Variants in XKR4 observed in about 807,000 individuals in gnomAD.
XKR4 encodes XK-related protein 4.
A neutral mutation model predicts 53.9 loss-of-function variants in XKR4; 12 were observed. The observed-to-expected ratio is 0.22, with a 90% CI of 0.14 to 0.36. XKR4 has a LOEUF of 0.36. XKR4 is among the 10% of genes least tolerant of loss of function. XKR4 has a pLI of 1.00. For synonymous variants in XKR4, 354 were observed against 362.4 expected (o/e 0.98, Z 0.26); for missense variants, 799 against 859.5 (o/e 0.93, Z 0.88).
At chr8:55,293,966 C>A (rs1483221053) in intron 1 of XKR4, among the ~76,000 whole-genome samples, 1 of 152,214 alleles carries the variant, frequency 6.6e-6, no homozygotes, top group African/African-American at 2.4e-5. Flanking sequence ...AGGTCATTAA[C>A]ATCTACGTTT....
intron 1 of XKR4, among the ~76,000 whole-genome samples, chr8:55,299,033 A>G (rs1025363013): frequency 6.6e-6 from 1 of 152,110 alleles, no homozygotes; most frequent in Non-Finnish European, 1.5e-5. Context: ...GCCCTTCCTT[A>G]CAACATCTTT....
At chr8:55,240,541 ATTAAAACTTTAGT>A (rs55879207) in intron 1 of XKR4, among the ~76,000 whole-genome samples, 23,224 of 152,078 alleles carry the variant, frequency 0.15, 2,124 homozygotes, top group Non-Finnish European at 0.21. Context: ...GGAATGGGAG[ATTAAAACTTTAGT>A]TTTCCAGGAA....
At chr8:55,499,668 G>T (rs1291420328) in intron 2 of XKR4, among the ~76,000 whole-genome samples, 1 of 152,172 alleles carries the variant, frequency 6.6e-6, no homozygotes, top group African/African-American at 2.4e-5. Context: ...ATGATGAAAA[G>T]AATTCAAGGC....
chr8:55,284,457 C>A (rs1269439478), intron 1 of XKR4, among the ~76,000 whole-genome samples: 1 of 152,120 alleles, frequency 6.6e-6, no homozygotes, highest in Non-Finnish European at 1.5e-5. Flanking sequence ...GGAGGATACC[C>A]TTCCAAGATG....
rs1210970989 is a variant in XKR4 at position 55,524,348 on chromosome 8, A to G, written c.*121A>G. On this transcript the variant is annotated 3_prime_UTR_variant, in exon 3 of 3. Coordinates refer to ENST00000327381, the MANE Select transcript of XKR4 (RefSeq NM_052898.2). The stretch of plus-strand genomic sequence containing the variant: ...CCGTGAAGTTCCTAGTGGGACCGTC[A>G]TCACCATTATCATTTGATCCTGTCG... 3 of 950,560 alleles carry G rather than the reference A, an allele frequency of 3.2e-6. No individual in the cohort carries two copies. The African/African-American group carries it at 5.0e-5, about 16-fold the overall frequency. The allele number at this position is 950,560 out of a possible 1,614,324, so 58.9% of individuals were successfully genotyped here.
At chr8:55,274,923 G>C (rs866886947) in intron 1 of XKR4, among the ~76,000 whole-genome samples, 18 of 152,238 alleles carry the variant, frequency 1.2e-4, no homozygotes, top group Admixed American at 2.6e-4. Flanking sequence ...AGTCAAGCAG[G>C]CTCCTTTATC....
intron 1 of XKR4, among the ~76,000 whole-genome samples, chr8:55,263,315 A>G (rs4368953): frequency 0.33 from 50,400 of 152,108 alleles, 10,113 homozygotes; most frequent in Middle Eastern, 0.45. Context: ...TGCCATCACA[A>G]GGTGGTGCCA....
rs574184520 is a variant in XKR4, at chr8:55,465,916, G to T, written c.1007-57365G>T. 6.2e-3 allele frequency among the ~76,000 whole-genome samples: 937 copies of T among 152,164 alleles called. 12 individuals carry two copies. The highest frequency in any genetic ancestry group is 3.5e-3 in the Non-Finnish European group (235 of 68,006). The stretch of plus-strand genomic sequence containing the variant: ...CATCATCACTGGCCATCAGAGAAAT[G>T]CAAATCAAAACCACAATGAGATACC... On this transcript the variant is annotated intron_variant, in intron 2 of 2. Coordinates refer to ENST00000327381, the MANE Select transcript of XKR4 (RefSeq NM_052898.2).
At chr8:55,304,648 C>T (rs965487942) in intron 1 of XKR4, among the ~76,000 whole-genome samples, 8 of 152,114 alleles carry the variant, frequency 5.3e-5, no homozygotes, top group Non-Finnish European at 1.0e-4. Flanking sequence ...CTTTGTAGGT[C>T]ACTAAGGACT....
chr8:55,150,877 T>C (rs1816831896), intron 1 of XKR4, among the ~76,000 whole-genome samples: 1 of 152,200 alleles, frequency 6.6e-6, no homozygotes, highest in African/African-American at 2.4e-5. Context: ...TATGGAAGAA[T>C]GGAGAGTGAA....
At chr8:55,492,275 A>G (rs564973013) in intron 2 of XKR4, among the ~76,000 whole-genome samples, 1 of 152,202 alleles carries the variant, frequency 6.6e-6, no homozygotes, top group African/African-American at 2.4e-5. Flanking sequence ...TAATTTGTCC[A>G]TGCTTTATAT....
intron 1 of XKR4, among the ~76,000 whole-genome samples, chr8:55,121,340 A>G (rs1385382498): frequency 6.6e-6 from 1 of 152,114 alleles, no homozygotes; most frequent in East Asian, 1.9e-4. Context: ...ACACTTACCA[A>G]TTTCTGAGCA....
At position 55,397,264 on chromosome 8, in the gene XKR4, G is replaced by A. The variant is rs116270796; in HGVS notation, c.1006+39387G>A. On this transcript the variant is annotated intron_variant, in intron 2 of 2. Coordinates refer to ENST00000327381, the MANE Select transcript of XKR4 (RefSeq NM_052898.2). ...GACTCTGTGTTTGCGTAAATAATAT[G>A]AGTAGTATTTAAACTTTCTCTTGCC... Among the ~76,000 whole-genome samples the A allele has an allele frequency of 3.9e-3, 599 of 152,312 alleles. 6 individuals are homozygous for A. The highest frequency in any genetic ancestry group is 0.014 in the African/African-American group (579 of 41,568).
intron 1 of XKR4, among the ~76,000 whole-genome samples, chr8:55,123,042 C>T (rs1187420905): frequency 6.6e-6 from 1 of 152,228 alleles, no homozygotes; most frequent in Non-Finnish European, 1.5e-5. Flanking sequence ...CTTCCACTTA[C>T]TGTGGAACAG....
intron 2 of XKR4, among the ~76,000 whole-genome samples, chr8:55,514,738 T>G (rs1806686395): frequency 6.6e-6 from 1 of 152,170 alleles, no homozygotes; most frequent in Admixed American, 6.5e-5. Flanking sequence ...AAACTTACCC[T>G]AAACAAAAAC....
In XKR4 at chr8:55,497,031, A is replaced by G. The variant is rs889105471; in HGVS notation, c.1007-26250A>G. Among the ~76,000 whole-genome samples the G allele has an allele frequency of 2.6e-5, 4 of 152,198 alleles. No homozygotes were observed. The East Asian group carries it at 7.7e-4, about 29-fold the overall frequency. Reference sequence around the variant, plus strand: ...TAATCCTACACCTCAATGTCCGGTAAATACATCCATCCTGTGTGCATTCAG... The same window carrying G: ...TAATCCTACACCTCAATGTCCGGTAGATACATCCATCCTGTGTGCATTCAG... On this transcript the variant is annotated intron_variant, in intron 2 of 2. Transcript: ENST00000327381.
chr8:55,292,791 A>G (rs1467969592), intron 1 of XKR4, among the ~76,000 whole-genome samples: 1 of 152,158 alleles, frequency 6.6e-6, no homozygotes. Context: ...TCCTCTCAGT[A>G]CTGTGTTAAC....
chr8:55,476,093 A>G (rs1016327435), intron 2 of XKR4, among the ~76,000 whole-genome samples: 6 of 152,036 alleles, frequency 3.9e-5, no homozygotes, highest in Non-Finnish European at 5.9e-5. Flanking sequence ...CTTGAAAAAC[A>G]TGCTGATATC....
intron 1 of XKR4, among the ~76,000 whole-genome samples, chr8:55,181,759 G>A (rs1817313677): frequency 6.6e-6 from 1 of 152,132 alleles, no homozygotes; most frequent in Non-Finnish European, 1.5e-5. Flanking sequence ...TTGACTTCAT[G>A]AAGGTCAGCT....
Sources: allele counts gnomAD v4.1 joint callset (sites outside exome capture counted in the v4.1 genomes callset), GRCh38; gene constraint gnomAD v4.1.1; transcripts MANE v1.5; gene names NCBI Gene and HGNC (gene_info 2026-07-23, HGNC 2026-07-21).